Variants in KCNK13 observed in about 807,000 individuals in gnomAD.
KCNK13 encodes the protein potassium two pore domain channel subfamily K member 13, also known as potassium channel subfamily K member 13.
KCNK13 carries 12 observed loss-of-function variants against 23.4 expected under a neutral mutation model. The ratio of observed to expected loss-of-function variants is 0.51; its 90% CI spans 0.33 to 0.83. KCNK13 has a LOEUF of 0.83. KCNK13 is among the 40% of genes least tolerant of loss of function. The pLI is 0.02. For missense variants in KCNK13, 463 were observed against 556.3 expected, an observed-to-expected ratio of 0.83 and a Z score of 1.69; for synonymous variants, 231 against 229.5, an observed-to-expected ratio of 1.01 and a Z score of -0.06.
chr14:90,149,589 C>G (rs1480043679), intron 1 of KCNK13, among the ~76,000 whole-genome samples: 1 of 152,148 alleles, frequency 6.6e-6, no homozygotes, highest in Admixed American at 6.5e-5. Context: ...TACCTCCCAC[C>G]AAGTCCCTCC....
At chr14:90,109,409 C>CTTTTT (rs557644405) in intron 1 of KCNK13, among the ~76,000 whole-genome samples, 1 of 123,332 alleles carries the variant, frequency 8.1e-6, no homozygotes, top group Non-Finnish European at 1.6e-5. Context: ...CTTTTCTTTC[C>CTTTTT]TTTTTTTTTT....
intron 1 of KCNK13, among the ~76,000 whole-genome samples, chr14:90,168,122 C>T (rs1234284144): frequency 2.0e-5 from 3 of 152,064 alleles, no homozygotes; most frequent in African/African-American, 7.2e-5. Flanking sequence ...TACTGTAATC[C>T]CAGCACTTTG....
chr14:90,178,322 G>A (rs996422604), intron 1 of KCNK13, among the ~76,000 whole-genome samples: 11 of 147,632 alleles, frequency 7.5e-5, no homozygotes, highest in Admixed American at 3.5e-4. Flanking sequence ...ATGGAGTCTC[G>A]CTCTTGTTGC....
At chr14:90,091,435 G>A (rs1029864400) in intron 1 of KCNK13, among the ~76,000 whole-genome samples, 18 of 152,202 alleles carry the variant, frequency 1.2e-4, no homozygotes, top group African/African-American at 4.3e-4. Context: ...GACAAGTTCA[G>A]AGGAAACTCA....
intron 1 of KCNK13, among the ~76,000 whole-genome samples, chr14:90,080,231 A>G (rs934249802): frequency 6.6e-5 from 10 of 152,138 alleles, no homozygotes; most frequent in African/African-American, 2.4e-4. Flanking sequence ...AGGCGGGCGC[A>G]TCACCTGAGG....
At chr14:90,167,982 G>C (rs913252157) in intron 1 of KCNK13, among the ~76,000 whole-genome samples, 1 of 152,060 alleles carries the variant, frequency 6.6e-6, no homozygotes, top group African/African-American at 2.4e-5. Flanking sequence ...TTTTCCTGTC[G>C]GCCACAAGGC....
chr14:90,181,313 T>C (rs897310058), intron 1 of KCNK13, among the ~76,000 whole-genome samples: 3 of 152,218 alleles, frequency 2.0e-5, no homozygotes, highest in Admixed American at 2.0e-4. Flanking sequence ...TTATTTTTCA[T>C]GATTCTGGAG....
intron 1 of KCNK13, among the ~76,000 whole-genome samples, chr14:90,081,043 C>G (rs1889203328): frequency 6.6e-6 from 1 of 152,252 alleles, no homozygotes; most frequent in African/African-American, 2.4e-5. Context: ...AAGAAAGAGT[C>G]TCTTTGGTTC....
chr14:90,141,057 G>T (rs867101598), intron 1 of KCNK13, among the ~76,000 whole-genome samples: 2 of 152,194 alleles, frequency 1.3e-5, no homozygotes, highest in Non-Finnish European at 2.9e-5. Flanking sequence ...GGAAATGGGG[G>T]TTCTCCTGGA....
At chr14:90,085,479 C>T (rs949656866) in intron 1 of KCNK13, among the ~76,000 whole-genome samples, 6 of 150,404 alleles carry the variant, frequency 4.0e-5, no homozygotes, top group South Asian at 2.1e-4. Context: ...GCCAACATGG[C>T]GAAACCCTGT....
chr14:90,088,187 G>A (rs919033360), intron 1 of KCNK13, among the ~76,000 whole-genome samples: 39 of 151,994 alleles, frequency 2.6e-4, no homozygotes, highest in African/African-American at 9.4e-4. Context: ...ATTTGTAGTA[G>A]AGACAGGGTT....
At chr14:90,080,174 C>A (rs1001808216) in intron 1 of KCNK13, among the ~76,000 whole-genome samples, 1 of 152,120 alleles carries the variant, frequency 6.6e-6, no homozygotes, top group Admixed American at 6.5e-5. Flanking sequence ...CAATTGAAGG[C>A]CAGGTGTGGT....
intron 1 of KCNK13, among the ~76,000 whole-genome samples, chr14:90,112,349 G>A (rs1416664310): frequency 6.6e-6 from 1 of 152,142 alleles, no homozygotes; most frequent in Admixed American, 6.5e-5. Context: ...TGGTTCATGT[G>A]TGAACACAAA....
At chr14:90,078,372 G>T (rs1164646370) in intron 1 of KCNK13, among the ~76,000 whole-genome samples, 1 of 143,556 alleles carries the variant, frequency 7.0e-6, no homozygotes, top group Non-Finnish European at 1.5e-5. Context: ...GTGAACCAAG[G>T]TCATGCCATT....
At chr14:90,174,160 A>C (rs1248965246) in intron 1 of KCNK13, among the ~76,000 whole-genome samples, 1 of 152,070 alleles carries the variant, frequency 6.6e-6, no homozygotes, top group Non-Finnish European at 1.5e-5. Context: ...TACAAAAAAA[A>C]TTAGCCGGGT....
At chr14:90,107,801 C>T in intron 1 of KCNK13, 1 of 855,570 alleles carries the variant, frequency 1.2e-6, no homozygotes, top group Non-Finnish European at 2.0e-6. Context: ...ACAAGGGCTT[C>T]TGGAATTTGT....
intron 1 of KCNK13, among the ~76,000 whole-genome samples, chr14:90,089,843 AG>A (rs1332199863): frequency 6.6e-6 from 1 of 152,238 alleles, no homozygotes; most frequent in Non-Finnish European, 1.5e-5. Context: ...AGAGGGTGCA[AG>A]CCCCAAGCCT....
chr14:90,125,599 GCACACA>G (rs35452662), intron 1 of KCNK13, among the ~76,000 whole-genome samples: 30 of 64,658 alleles, frequency 4.6e-4, no homozygotes, highest in East Asian at 2.2e-3. Context: ...ACACACACAC[GCACACA>G]CACACACACA....
intron 1 of KCNK13, among the ~76,000 whole-genome samples, chr14:90,150,707 G>T (rs79092425): frequency 0.065 from 9,893 of 152,206 alleles, 417 homozygotes; most frequent in South Asian, 0.21. Flanking sequence ...TGCCCAAATC[G>T]CAAGTCAAAT....
Sources: gnomAD v4.1 joint callset for allele counts (sites outside exome capture counted in the v4.1 genomes callset) on GRCh38, gnomAD v4.1.1 for gene constraint, MANE v1.5 for transcripts, NCBI Gene and HGNC (gene_info 2026-07-23, HGNC 2026-07-21) for gene names.